BRD3: variants seen among roughly 807,000 people sequenced by gnomAD.
BRD3 encodes the protein bromodomain containing 3.
A neutral mutation model predicts 66.8 loss-of-function variants in BRD3; 17 were observed. That is an observed-to-expected ratio of 0.25 (90% confidence interval 0.17 to 0.38). BRD3 has a LOEUF of 0.38. Among genes scored for constraint, BRD3 ranks in the 10% least tolerant of loss-of-function variants. The pLI is 1.00. For synonymous variants in BRD3, 421 were observed against 393.2 expected, an observed-to-expected ratio of 1.07 and a Z score of -0.84; for missense variants, 713 against 956.1, an observed-to-expected ratio of 0.75 and a Z score of 3.35.
At chr9:134,052,171 G>A in intron 3 of BRD3, 135 bp downstream of exon 3, 2 of 1,141,572 alleles carry the variant, frequency 1.8e-6, no homozygotes, top group Non-Finnish European at 2.4e-6. Flanking sequence ...GGGATTACAG[G>A]TGTGAGCCAC....
rs200830117 is a variant in BRD3, at chr9:134,053,555, C to T, written c.-78G>A. ...GCTGCTTCTACGCTCCCTGAGAAAG[C>T]GCGACGTCCCATTTCCGGGCCCAAC... On this transcript the variant is annotated 5_prime_UTR_variant, in exon 2 of 12. Coordinates refer to ENST00000303407, the MANE Select transcript of BRD3 (RefSeq NM_007371.4). 1.2e-4 allele frequency: 169 copies of T among 1,454,098 alleles called. No individual in the cohort carries two copies. The highest frequency in any genetic ancestry group is 1.4e-4 in the Non-Finnish European group (159 of 1,106,456). 90.1% of individuals were successfully genotyped at this position (1,454,098 alleles called of 1,614,324 possible). A position where few individuals can be genotyped will look rare whatever the true frequency, so the allele number is the denominator to read the frequency against.
chr9:134,063,087 A>G (rs1343270024), intron 1 of BRD3, among the ~76,000 whole-genome samples: 2 of 152,226 alleles, frequency 1.3e-5, no homozygotes, highest in Non-Finnish European at 2.9e-5. Context: ...TGTCCCACTC[A>G]GCCATGCCGA....
rs770668764 is a variant in BRD3 at position 134,032,249 on chromosome 9, T to G, written c.*1341A>C. On this transcript the variant is annotated 3_prime_UTR_variant, in exon 12 of 12. Transcript: ENST00000303407. Reference sequence around the variant, plus strand: ...ACAATAGAAAGTTAAAAATCAAGACTTAGATTTACTATACATTTTTTCTCT... The same window carrying G: ...ACAATAGAAAGTTAAAAATCAAGACGTAGATTTACTATACATTTTTTCTCT... 12 of 216,518 alleles carry G rather than the reference T, an allele frequency of 5.5e-5. No individual in the cohort carries two copies. Among genetic ancestry groups the G allele is most frequent in the Non-Finnish European group, 9.3e-5 (10 of 107,848 alleles). 13.4% of individuals were successfully genotyped at this position (216,518 alleles called of 1,614,324 possible). A position where few individuals can be genotyped will look rare whatever the true frequency, so the allele number is the denominator to read the frequency against.
chr9:134,059,423 CA>C (rs1830492386), intron 1 of BRD3, among the ~76,000 whole-genome samples: 1 of 152,204 alleles, frequency 6.6e-6, no homozygotes, highest in Non-Finnish European at 1.5e-5. Flanking sequence ...CAGATGGACT[CA>C]GGTGGAGTGA....
intron 1 of BRD3, among the ~76,000 whole-genome samples, chr9:134,056,454 C>G (rs1830427756): frequency 6.6e-6 from 1 of 152,242 alleles, no homozygotes; most frequent in African/African-American, 2.4e-5. Flanking sequence ...GAGACACCTA[C>G]ACCCCACACA....
intron 3 of BRD3, among the ~76,000 whole-genome samples, chr9:134,051,926 T>A (rs1830315368): frequency 7.1e-6 from 1 of 141,192 alleles, no homozygotes; most frequent in South Asian, 2.4e-4. Flanking sequence ...AGTCTTGCTC[T>A]GTCACCCAGG....
At chr9:134,064,847 T>C (rs533803009) in intron 1 of BRD3, among the ~76,000 whole-genome samples, 38 of 152,288 alleles carry the variant, frequency 2.5e-4, no homozygotes, top group African/African-American at 9.1e-4. Context: ...AAGAAAACCC[T>C]ATGCTCCGCC....
intron 1 of BRD3, among the ~76,000 whole-genome samples, chr9:134,054,858 G>A (rs1331591421): frequency 1.3e-5 from 2 of 151,890 alleles, no homozygotes; most frequent in South Asian, 4.1e-4. Flanking sequence ...AGCACCCTGC[G>A]TGTAACCTCA....
chr9:134,067,977 C>A lies in BRD3; in HGVS notation c.-146G>T. 6.9e-6 allele frequency: 1 copy of A among 145,222 alleles called. No homozygotes were observed. The highest frequency in any genetic ancestry group is 2.0e-4 in the South Asian group (1 of 5,090). The allele number at this position is 145,222 out of a possible 1,614,324, so 9.0% of individuals were successfully genotyped here. On this transcript the variant is annotated 5_prime_UTR_variant, in exon 1 of 12. Transcript: ENST00000303407. ...CGCGGCTCCGGCGGCCGTCCCCTCC[C>A]GGCCCGCGCGGCCGGCTCCTCTTTG...
intron 5 of BRD3, among the ~76,000 whole-genome samples, chr9:134,048,938 G>C (rs369068862): frequency 1.3e-5 from 2 of 152,322 alleles, no homozygotes; most frequent in South Asian, 2.1e-4. Context: ...AGTTTTGCGG[G>C]ACAAGAGGGA....
chr9:134,067,554 GA>G (rs1160286259), intron 1 of BRD3, among the ~76,000 whole-genome samples: 4 of 147,608 alleles, frequency 2.7e-5, no homozygotes, highest in African/African-American at 7.3e-5. Context: ...AGGAAAGGGG[GA>G]AAAAAATCCC....
intron 1 of BRD3, chr9:134,057,142 G>C (rs992026952): frequency 6.6e-6 from 1 of 152,234 alleles, no homozygotes; most frequent in Non-Finnish European, 1.5e-5. Context: ...CAGGGAGCTC[G>C]GGGCCACATC....
At chr9:134,036,817 G>A (rs1391597803) in intron 9 of BRD3, among the ~76,000 whole-genome samples, 3 of 151,782 alleles carry the variant, frequency 2.0e-5, no homozygotes, top group African/African-American at 7.3e-5. Context: ...GACCATCCTG[G>A]CTACCACGGT....
chr9:134,040,416 C>G, intron 8 of BRD3, 147 bp from the exon 9 acceptor site: 1 of 873,106 alleles, frequency 1.1e-6, no homozygotes, highest in Non-Finnish European at 1.7e-6. Context: ...CTGGGCCCTG[C>G]TCTGCCCCTC....
At chr9:134,035,993 G>A in intron 10 of BRD3, 39 bp downstream of exon 10, 1 of 1,556,446 alleles carries the variant, frequency 6.4e-7, no homozygotes, top group Non-Finnish European at 8.7e-7. Context: ...AAGGAGGGGA[G>A]AGGAACTTCA....
chr9:134,041,738 A>AC, intron 8 of BRD3, 22 bp downstream of exon 8: 1 of 1,604,842 alleles, frequency 6.2e-7, no homozygotes. Flanking sequence ...CCTGAACCCC[A>AC]CCCAAGCATG....
rs151042700 is a variant in BRD3 at position 134,045,709 on chromosome 9, G to A, written c.1087-288C>T. ...ACTCAACAAGAAATCCCAGGTTCCC[G>A]TAGGCGTCCCTTGGCCCCTTCCTTG... On this transcript the variant is annotated intron_variant, in intron 6 of 11. Coordinates refer to ENST00000303407, the MANE Select transcript of BRD3 (RefSeq NM_007371.4). This position sits in a 1 kb window ranked among gnomAD's most constrained non-coding sequence, Gnocchi z 4.8. 5.3e-4 allele frequency among the ~76,000 whole-genome samples: 80 copies of A among 152,268 alleles called. No homozygotes were observed. The highest frequency in any genetic ancestry group is 9.9e-4 in the Non-Finnish European group (67 of 67,994).
In BRD3 at chr9:134,050,479, G is replaced by A; in HGVS notation, c.609C>T (p.Thr203=). The A allele has an allele frequency of 6.2e-7, 1 of 1,612,008 alleles. No individual in the cohort carries two copies. Among genetic ancestry groups the A allele is most frequent in the Non-Finnish European group, 8.5e-7 (1 of 1,179,288 alleles). ...TPVIAATPVP[T]ITANVTSVPV... is the part of the protein sequence containing the mutation. ...GGACCGACGTGACGTTTGCAGTGAT[G>A]GTTGGTACAGGGGTGGCAGCGATGA... The change falls in exon 5 of 12, where the codon ACC becomes ACT. Residue 203 remains threonine (T), a synonymous_variant. Coordinates refer to ENST00000303407, the MANE Select transcript of BRD3 (RefSeq NM_007371.4).
At position 134,034,703 on chromosome 9, in the gene BRD3, T is replaced by G. The variant is rs1380133134; in HGVS notation, c.2063A>C (p.Lys688Thr). The change falls in exon 11 of 12, where the codon AAA becomes ACA. Residue 688 changes from lysine (K) to threonine (T), a missense_variant and splice_region_variant. By Grantham distance (78) the Lys-to-Thr change is moderately conservative. This residue lies in a region of BRD3 where 42 missense variants were observed against 29.2 expected (regional missense o/e 1.44). Transcript: ENST00000303407. ...QLSSSKKPAR[K>T]EKPGSAPSGG... ...GGCACAGCGGCCGCCAGCGGTACCT[T>G]TCCGGGCGGGCTTCTTGCTGCTGCT... 6.2e-7 allele frequency: 1 copy of G among 1,604,028 alleles called. No homozygotes were observed. Among genetic ancestry groups the G allele is most frequent in the Non-Finnish European group, 8.5e-7 (1 of 1,179,848 alleles).
Sources: gnomAD v4.1 joint callset for allele counts (sites outside exome capture counted in the v4.1 genomes callset) on GRCh38, gnomAD v4.1.1 for gene constraint, gnomAD v4.1.1 regional missense constraint, Gnocchi (gnomAD v3.1) non-coding constraint, MANE v1.5 for transcripts, NCBI Gene and HGNC (gene_info 2026-07-23, HGNC 2026-07-21) for gene names.